The following CENPW variants were observed in gnomAD, a reference collection of about 807,000 sequenced individuals.
CENPW encodes the protein cancer-up-regulated gene 2 protein.
Under a neutral mutation model 11.1 loss-of-function variants are expected in CENPW, and 3 were observed. The ratio of observed to expected loss-of-function variants is 0.27; its 90% CI spans 0.12 to 0.70. The LOEUF (loss-of-function observed/expected upper bound fraction) is 0.70. Ranked by LOEUF, CENPW falls within the 30% of genes least tolerant of loss-of-function variation. The pLI is 0.77. For missense variants in CENPW, 100 were observed against 105.6 expected (o/e 0.95, Z 0.23); for synonymous variants, 38 against 42.0 (o/e 0.91, Z 0.37).
the CENPW span, among the ~76,000 whole-genome samples, chr6:126,462,217 G>T: frequency 6.6e-6 from 1 of 151,844 alleles, no homozygotes; most frequent in Non-Finnish European, 1.5e-5. Context: ...TTTGTACACA[G>T]TAAAATAGTT....
downstream of CENPW, chr6:126,348,963 A>T (rs1780459409): frequency 6.6e-6 from 1 of 152,094 alleles, no homozygotes; most frequent in Non-Finnish European, 1.5e-5. Flanking sequence ...ATATTATGCC[A>T]GTAGTAATGT....
the CENPW span, among the ~76,000 whole-genome samples, chr6:126,428,510 T>G: frequency 6.6e-6 from 1 of 152,190 alleles, no homozygotes; most frequent in Non-Finnish European, 1.5e-5. Context: ...AGGGTAACTT[T>G]GCATAAAAGA....
the CENPW span, among the ~76,000 whole-genome samples, chr6:126,460,413 G>C: frequency 2.0e-5 from 3 of 151,654 alleles, no homozygotes; most frequent in African/African-American, 7.3e-5. Flanking sequence ...TATTATTCAT[G>C]TTTGCACAAT....
the CENPW span, among the ~76,000 whole-genome samples, chr6:126,465,539 A>C: frequency 6.6e-6 from 1 of 152,118 alleles, no homozygotes; most frequent in Non-Finnish European, 1.5e-5. Context: ...TATAAAACTC[A>C]CGTGAACATT....
chr6:126,405,583 T>A, the CENPW span, among the ~76,000 whole-genome samples: 1 of 152,110 alleles, frequency 6.6e-6, no homozygotes, highest in Non-Finnish European at 1.5e-5. Context: ...AATCTGTTGA[T>A]TGCCTTTGGT....
At chr6:126,439,722 A>G in the CENPW span, among the ~76,000 whole-genome samples, 22 of 151,640 alleles carry the variant, frequency 1.5e-4, no homozygotes, top group African/African-American at 5.3e-4. Context: ...GCTTTAGGCC[A>G]ATGAAGCCAA....
the CENPW span, among the ~76,000 whole-genome samples, chr6:126,396,997 C>T: frequency 2.0e-5 from 3 of 151,972 alleles, no homozygotes; most frequent in Non-Finnish European, 2.9e-5. Flanking sequence ...ACTTTTGTTT[C>T]TGCAAGATGC....
At chr6:126,399,556 C>A in the CENPW span, among the ~76,000 whole-genome samples, 1 of 151,570 alleles carries the variant, frequency 6.6e-6, no homozygotes, top group Non-Finnish European at 1.5e-5. Context: ...TTTTTTATTG[C>A]CATTTTACAT....
intron 1 of CENPW, among the ~76,000 whole-genome samples, chr6:126,344,627 C>A (rs1002822992): frequency 6.6e-6 from 1 of 152,136 alleles, no homozygotes; most frequent in Non-Finnish European, 1.5e-5. Context: ...GGATGCTTTA[C>A]CTCAGAGTTC....
chr6:126,350,305 C>T (rs1368804914), downstream of CENPW, among the ~76,000 whole-genome samples: 1 of 152,054 alleles, frequency 6.6e-6, no homozygotes, highest in Non-Finnish European at 1.5e-5. Context: ...TTTTTTCTCA[C>T]AGTTTTGATG....
the CENPW span, among the ~76,000 whole-genome samples, chr6:126,392,706 G>T: frequency 4.0e-5 from 6 of 151,824 alleles, no homozygotes; most frequent in Non-Finnish European, 7.4e-5. Context: ...CTAGTACTTT[G>T]TTGAGGATTT....
chr6:126,414,586 A>G, the CENPW span, among the ~76,000 whole-genome samples: 1 of 152,112 alleles, frequency 6.6e-6, no homozygotes, highest in Non-Finnish European at 1.5e-5. Flanking sequence ...GGAAATTTAA[A>G]ACTTTCTTAA....
the CENPW span, among the ~76,000 whole-genome samples, chr6:126,388,324 A>G: frequency 2.0e-5 from 3 of 152,024 alleles, no homozygotes; most frequent in African/African-American, 7.2e-5. Flanking sequence ...TCTGTAGTAG[A>G]TTGCTATAAT....
chr6:126,416,855 G>A, the CENPW span, among the ~76,000 whole-genome samples: 108 of 152,350 alleles, frequency 7.1e-4, no homozygotes, highest in African/African-American at 2.4e-3. Context: ...ACCTCTGCTA[G>A]GGCAGTGCAG....
At chr6:126,423,245 A>T in the CENPW span, among the ~76,000 whole-genome samples, 1 of 152,070 alleles carries the variant, frequency 6.6e-6, no homozygotes, top group African/African-American at 2.4e-5. Flanking sequence ...ATGAACCATT[A>T]TAAGTTAGTT....
chr6:126,341,589 A>G (rs1018746352), intron 1 of CENPW, among the ~76,000 whole-genome samples: 11 of 152,116 alleles, frequency 7.2e-5, no homozygotes, highest in African/African-American at 2.7e-4. Context: ...ACTTTCTTAA[A>G]TCTTGTAAGA....
chr6:126,421,336 A>C, the CENPW span, among the ~76,000 whole-genome samples: 3 of 151,936 alleles, frequency 2.0e-5, no homozygotes, highest in Non-Finnish European at 4.4e-5. Flanking sequence ...ACGTTTCTTC[A>C]TGTCTACCTT....
the CENPW span, among the ~76,000 whole-genome samples, chr6:126,417,441 G>T: frequency 6.6e-6 from 1 of 152,184 alleles, no homozygotes; most frequent in African/African-American, 2.4e-5. Flanking sequence ...GAGGACATGA[G>T]ATTTGGGAGG....
At chr6:126,473,344 T>C in the CENPW span, among the ~76,000 whole-genome samples, 2 of 152,334 alleles carry the variant, frequency 1.3e-5, no homozygotes, top group East Asian at 3.9e-4. Context: ...TGGCAAACTT[T>C]CTTCCATAGT....
Sources: gnomAD v4.1 joint callset for allele counts (sites outside exome capture counted in the v4.1 genomes callset) on GRCh38, gnomAD v4.1.1 for gene constraint, MANE v1.5 for transcripts, NCBI Gene and HGNC (gene_info 2026-07-23, HGNC 2026-07-21) for gene names.